Variants in TEX10 observed in about 807,000 individuals in gnomAD.
The protein encoded by TEX10 is testis-expressed protein 10.
TEX10 carries 24 observed loss-of-function variants against 104.4 expected under a neutral mutation model. The observed-to-expected ratio is 0.23, with a 90% CI of 0.17 to 0.32. The LOEUF (loss-of-function observed/expected upper bound fraction) is 0.32. Ranked by LOEUF, TEX10 falls within the 10% of genes least tolerant of loss-of-function variation. The pLI is 1.00. For synonymous variants in TEX10, 396 were observed against 393.4 expected, an observed-to-expected ratio of 1.01 and a Z score of -0.08; for missense variants, 921 against 1,083.9, an observed-to-expected ratio of 0.85 and a Z score of 2.11.
chr9:100,334,585 A>C (rs1469029056), intron 5 of TEX10, among the ~76,000 whole-genome samples: 2 of 152,122 alleles, frequency 1.3e-5, no homozygotes, highest in African/African-American at 4.8e-5. Context: ...CTAAAGTATC[A>C]ATTTTTGCTT....
rs998671231 is a variant in TEX10, at chr9:100,330,260, A to T, written c.1251-91T>A. The T allele has an allele frequency of 1.6e-5, 16 of 1,023,064 alleles. No individual in the cohort carries two copies. In the African/African-American group the frequency reaches 1.8e-4, roughly 11 times the overall value. 63.4% of individuals were successfully genotyped at this position (1,023,064 alleles called of 1,614,324 possible). On this transcript the variant is annotated intron_variant, in intron 5 of 14. Transcript: ENST00000374902. Reference sequence around the variant, plus strand: ...TAAAATAATCTATCAATGGAGTTTTAAAAAATTCCCTTCTAGAATTAATAG... The same window carrying T: ...TAAAATAATCTATCAATGGAGTTTTTAAAAATTCCCTTCTAGAATTAATAG...
At chr9:100,326,003 TAAC>T (rs1015155179) in intron 9 of TEX10, among the ~76,000 whole-genome samples, 8 of 152,150 alleles carry the variant, frequency 5.3e-5, no homozygotes, top group Non-Finnish European at 8.8e-5. Flanking sequence ...TGCAATTCCA[TAAC>T]AACAAAGGTT....
chr9:100,314,802 G>T (rs576609838), intron 11 of TEX10, among the ~76,000 whole-genome samples: 1 of 152,120 alleles, frequency 6.6e-6, no homozygotes, highest in Non-Finnish European at 1.5e-5. Context: ...GAAGTGCAAC[G>T]TTAGGTTGCT....
intron 5 of TEX10, among the ~76,000 whole-genome samples, chr9:100,337,983 A>G (rs1587736890): frequency 6.6e-6 from 1 of 152,322 alleles, no homozygotes; most frequent in East Asian, 1.9e-4. Context: ...AAATATACAC[A>G]TGTAAATGTT....
In TEX10 at chr9:100,337,671, G is replaced by A. The variant is rs772621841; in HGVS notation, c.1250+2586C>T. Among the ~76,000 whole-genome samples, 5 of 152,090 alleles carry A rather than the reference G, an allele frequency of 3.3e-5. No individual in the cohort carries two copies. In the East Asian group the frequency reaches 5.8e-4, roughly 18 times the overall value. On this transcript the variant is annotated intron_variant, in intron 5 of 14. Coordinates refer to ENST00000374902, the MANE Select transcript of TEX10 (RefSeq NM_017746.4). ...AAGATGAACTCCTGAGTCAAGAAAC[G>A]GCTTCCACATCAAGGCCAGTGAAGA...
intron 5 of TEX10, among the ~76,000 whole-genome samples, chr9:100,332,808 G>A (rs868068631): frequency 2.4e-4 from 35 of 148,570 alleles, no homozygotes; most frequent in Middle Eastern, 6.9e-3. Flanking sequence ...GTGACAGAGC[G>A]AAACTCCATC....
At chr9:100,326,586 G>T in intron 8 of TEX10, 107 bp from the exon 9 acceptor site, 1 of 1,107,450 alleles carries the variant, frequency 9.0e-7, no homozygotes, top group Non-Finnish European at 1.2e-6. Context: ...AACATTTTAT[G>T]CTGAATTTTA....
chr9:100,312,574 C>T (rs1158097350), intron 11 of TEX10, among the ~76,000 whole-genome samples: 2 of 152,152 alleles, frequency 1.3e-5, no homozygotes, highest in Non-Finnish European at 2.9e-5. Context: ...CACCTAAATT[C>T]CACATGTTGG....
chr9:100,307,103 GTA>G (rs1310891306), intron 13 of TEX10: 1 of 152,116 alleles, frequency 6.6e-6, no homozygotes, highest in African/African-American at 2.4e-5. Flanking sequence ...AAATTTTATA[GTA>G]TATTTAAAGT....
intron 8 of TEX10, among the ~76,000 whole-genome samples, chr9:100,327,262 C>T (rs948724134): frequency 2.0e-5 from 3 of 151,878 alleles, no homozygotes. Flanking sequence ...GTGATAGTTG[C>T]ACAACCTTAG....
chr9:100,311,560 C>G (rs1437849070), intron 11 of TEX10, among the ~76,000 whole-genome samples: 1 of 151,938 alleles, frequency 6.6e-6, no homozygotes, highest in African/African-American at 2.4e-5. Flanking sequence ...CTTTTTTTTG[C>G]CCACCTGATA....
At position 100,338,350 on chromosome 9, in the gene TEX10, C is replaced by T. The variant is rs928677711; in HGVS notation, c.1250+1907G>A. On this transcript the variant is annotated intron_variant, in intron 5 of 14. Coordinates refer to ENST00000374902, the MANE Select transcript of TEX10 (RefSeq NM_017746.4). ...ACGTCAGCACCAGCCAGCCAGCACC[C>T]GCTTTTCAGAGTACTGGGCCCCAGC... Among the ~76,000 whole-genome samples, 6 of 152,268 alleles carry T rather than the reference C, an allele frequency of 3.9e-5. No homozygotes were observed. In the South Asian group the frequency reaches 6.2e-4, roughly 16 times the overall value.
rs1029139072 is a variant in TEX10, at chr9:100,346,230, A to G, written c.979T>C (p.Leu327=). ...LKGFIEIIIP[L]LIECWVEAVP... ...GCTTCAACCCAGCATTCAATTAGCA[A>G]TGGAATTATTATCTCAATAAATCCT... The change falls in exon 4 of 15, where the codon TTG becomes CTG. Residue 327 remains leucine (L), a synonymous_variant. Transcript: ENST00000374902. 1.9e-6 allele frequency: 3 copies of G among 1,613,996 alleles called. No individual in the cohort carries two copies. The highest frequency in any genetic ancestry group is 2.5e-6 in the Non-Finnish European group (3 of 1,179,974).
At chr9:100,333,430 G>C (rs1383628656) in intron 5 of TEX10, among the ~76,000 whole-genome samples, 1 of 152,036 alleles carries the variant, frequency 6.6e-6, no homozygotes, top group African/African-American at 2.4e-5. Context: ...CAAATTTCTA[G>C]CAAGCTATTT....
At chr9:100,329,394 C>T in intron 6 of TEX10, 119 bp from the exon 7 acceptor site, 1 of 1,152,468 alleles carries the variant, frequency 8.7e-7, no homozygotes, top group Non-Finnish European at 1.2e-6. Flanking sequence ...ATTTTAGCCA[C>T]AAATAGACAA....
intron 3 of TEX10, 59 bp downstream of exon 3, chr9:100,346,635 G>C: frequency 6.7e-7 from 1 of 1,501,724 alleles, no homozygotes; most frequent in Non-Finnish European, 9.0e-7. Context: ...GTCATCAATG[G>C]TTAGCAGTTA....
At chr9:100,319,173 C>T (rs1834501837) in intron 11 of TEX10, among the ~76,000 whole-genome samples, 1 of 151,976 alleles carries the variant, frequency 6.6e-6, no homozygotes, top group South Asian at 2.1e-4. Flanking sequence ...GCCTGGGCGA[C>T]AAAAGCGAGA....
intron 7 of TEX10, among the ~76,000 whole-genome samples, chr9:100,328,349 T>A (rs1376844445): frequency 1.3e-5 from 2 of 152,194 alleles, no homozygotes; most frequent in Non-Finnish European, 2.9e-5. Context: ...GGAGTGTAAA[T>A]GTCTTGAATA....
At chr9:100,311,915 G>A (rs911840675) in intron 11 of TEX10, among the ~76,000 whole-genome samples, 1 of 152,066 alleles carries the variant, frequency 6.6e-6, no homozygotes, top group Non-Finnish European at 1.5e-5. Context: ...GTTCAAGAGA[G>A]CTGTCATCTA....
Sources: gnomAD v4.1 joint callset for allele counts (sites outside exome capture counted in the v4.1 genomes callset) on GRCh38, gnomAD v4.1.1 for gene constraint, MANE v1.5 for transcripts, NCBI Gene and HGNC (gene_info 2026-07-23, HGNC 2026-07-21) for gene names.